The following CSN1S1 variants were observed in gnomAD, a reference collection of about 807,000 sequenced individuals.
The protein encoded by CSN1S1 is alpha-S1-casein.
Under a neutral mutation model 49.1 loss-of-function variants are expected in CSN1S1, and 63 were observed. The observed-to-expected ratio is 1.28, with a 90% CI of 1.05 to 1.58. The LOEUF (loss-of-function observed/expected upper bound fraction) is 1.58. Among genes scored for constraint, CSN1S1 ranks in the 40% most tolerant of loss-of-function variants. The pLI, the probability that CSN1S1 is intolerant of heterozygous loss-of-function variation, is 0.00. For missense variants in CSN1S1, 260 were observed against 224.7 expected, an observed-to-expected ratio of 1.16 and a Z score of -1.01; for synonymous variants, 78 against 67.1, an observed-to-expected ratio of 1.16 and a Z score of -0.79.
intron 14 of CSN1S1, among the ~76,000 whole-genome samples, 172 bp downstream of exon 14, chr4:69,942,749 G>T (rs374305915): frequency 2.6e-5 from 4 of 151,910 alleles, no homozygotes; most frequent in Middle Eastern, 3.4e-3. Flanking sequence ...TGAGCACATT[G>T]TGTATTCTCT....
intron 1 of CSN1S1, among the ~76,000 whole-genome samples, chr4:69,932,175 C>T (rs1245727124): frequency 6.6e-6 from 1 of 151,752 alleles, no homozygotes; most frequent in Non-Finnish European, 1.5e-5. Context: ...TCTGATTTGT[C>T]ATCTAGGAGG....
intron 12 of CSN1S1, 123 bp downstream of exon 12, chr4:69,941,183 C>A (rs1209089316): frequency 1.7e-5 from 8 of 484,530 alleles, no homozygotes; most frequent in Non-Finnish European, 2.8e-5. Context: ...TTTATTCTAG[C>A]CTTGACCAAT....
At chr4:69,942,236 T>C (rs1410371549) in intron 13 of CSN1S1, among the ~76,000 whole-genome samples, 173 bp downstream of exon 13, 1 of 151,942 alleles carries the variant, frequency 6.6e-6, no homozygotes, top group Non-Finnish European at 1.5e-5. Flanking sequence ...AATTAATAAA[T>C]AGCCATAAAT....
At chr4:69,934,737 A>G in intron 4 of CSN1S1, 27 bp downstream of exon 4, 1 of 1,600,466 alleles carries the variant, frequency 6.2e-7, no homozygotes, top group East Asian at 2.2e-5. Flanking sequence ...GGGAGTCAGG[A>G]TTCTCTCTTC....
intron 15 of CSN1S1, among the ~76,000 whole-genome samples, chr4:69,945,564 T>C (rs1222267611): frequency 1.3e-5 from 2 of 152,156 alleles, no homozygotes; most frequent in East Asian, 3.9e-4. Context: ...TAAAAGTCCA[T>C]TTTTTCCTGA....
Position 69,946,180 on chromosome 4 carries a change from C to A in CSN1S1, c.*-16C>A. Reference sequence around the variant, plus strand: ...ATTTAATATAACTCACCACATATTTCTATTTCTATTTACAGATATGATTGA... The same window carrying A: ...ATTTAATATAACTCACCACATATTTATATTTCTATTTACAGATATGATTGA... On this transcript the variant is annotated splice_polypyrimidine_tract_variant and intron_variant, in intron 15 of 15. Transcript: ENST00000246891. 1.8e-6 allele frequency: 1 copy of A among 541,262 alleles called. No homozygotes were observed. The allele number at this position is 541,262 out of a possible 1,614,324, so 33.5% of individuals were successfully genotyped here. A position where few individuals can be genotyped will look rare whatever the true frequency, so the allele number is the denominator to read the frequency against.
chr4:69,933,344 G>A (rs935540625), intron 2 of CSN1S1, among the ~76,000 whole-genome samples: 1 of 151,922 alleles, frequency 6.6e-6, no homozygotes, highest in Non-Finnish European at 1.5e-5. Flanking sequence ...GGGATGATAA[G>A]GGATATTTGG....
intron 4 of CSN1S1, among the ~76,000 whole-genome samples, chr4:69,935,113 C>T (rs1722728788): frequency 6.6e-6 from 1 of 151,936 alleles, no homozygotes; most frequent in African/African-American, 2.4e-5. Flanking sequence ...TTTTATAATT[C>T]ACAATTTAAT....
Position 69,942,528 on chromosome 4 carries a change from T to C in CSN1S1, c.361-8T>C, listed in dbSNP as rs755954970. ...TAAGTAATTTAGAATGTGTTTCCTT[T>C]TATGCAGGAGCAAATTCGCAGAATG... On this transcript the variant is annotated splice_region_variant and splice_polypyrimidine_tract_variant and intron_variant, in intron 13 of 15. Transcript: ENST00000246891. 3 of 1,581,054 alleles carry C rather than the reference T, an allele frequency of 1.9e-6. No individual in the cohort carries two copies. The highest frequency in any genetic ancestry group is 2.6e-6 in the Non-Finnish European group (3 of 1,161,450).
Position 69,936,486 on chromosome 4 carries a change from A to T in CSN1S1, c.153+7A>T, listed in dbSNP as rs947422665. ...CATGAATGGTATGAACAGGGTAAGA[A>T]ACATCAATGAAATTTAAATTATGTT... is the stretch of plus-strand genomic sequence containing the variant. On this transcript the variant is annotated splice_region_variant and intron_variant, in intron 6 of 15. Transcript: ENST00000246891. 1 of 1,579,600 alleles carries T rather than the reference A, an allele frequency of 6.3e-7. No homozygotes were observed. Among genetic ancestry groups the T allele is most frequent in the Non-Finnish European group, 8.7e-7 (1 of 1,150,774 alleles).
At position 69,946,139 on chromosome 4, in the gene CSN1S1, T is replaced by G. The variant is rs933320031; in HGVS notation, c.*-57T>G. 6.4e-6 allele frequency: 3 copies of G among 467,108 alleles called. No individual in the cohort carries two copies. The East Asian group carries it at 1.0e-4, about 16-fold the overall frequency. The allele number at this position is 467,108 out of a possible 1,614,324, so 28.9% of individuals were successfully genotyped here. On this transcript the variant is annotated intron_variant, in intron 15 of 15. Coordinates refer to ENST00000246891, the MANE Select transcript of CSN1S1 (RefSeq NM_001890.2). ...AAACGTGTTCTACCATAAGAGCTTT[T>G]CTTTTCTTCAAAAATATTTAATATA...
At position 69,945,102 on chromosome 4, in the gene CSN1S1, T is replaced by C. The variant is rs979994841; in HGVS notation, c.557+98T>C. 2.3e-6 allele frequency: 3 copies of C among 1,323,498 alleles called. No individual in the cohort carries two copies. In the Admixed American group the frequency reaches 6.0e-5, roughly 26 times the overall value. 82.0% of individuals were successfully genotyped at this position (1,323,498 alleles called of 1,614,324 possible). ...CATAAGAACAGATTTAGATTAAACA[T>C]GGCAAATCAATGCCTACTGCAAAGG... is the stretch of plus-strand genomic sequence containing the variant. On this transcript the variant is annotated intron_variant, in intron 15 of 15. Coordinates refer to ENST00000246891, the MANE Select transcript of CSN1S1 (RefSeq NM_001890.2).
At chr4:69,934,580 G>A in intron 3 of CSN1S1, 110 bp from the exon 4 acceptor site, 3 of 954,374 alleles carry the variant, frequency 3.1e-6, no homozygotes, top group Non-Finnish European at 3.3e-6. Context: ...CATTTGATAT[G>A]TTGAATCTTG....
chr4:69,940,053 T>A lies in CSN1S1; in HGVS notation c.300+9T>A. 1 of 1,358,416 alleles carries A rather than the reference T, an allele frequency of 7.4e-7. No individual in the cohort carries two copies. Among genetic ancestry groups the A allele is most frequent in the South Asian group, 1.5e-5 (1 of 68,266 alleles). 84.1% of individuals were successfully genotyped at this position (1,358,416 alleles called of 1,614,324 possible). ...CTCTCAGTAAGTGTGCGGTAAGACA[T>A]ATTTGCTAAATTTAAAATATATTAA... On this transcript the variant is annotated intron_variant, in intron 11 of 15. Transcript: ENST00000246891.
rs193049345 is a variant in CSN1S1, at chr4:69,942,460, T to C, written c.361-76T>C. ...ATTTCATGAATGATGTTATGTATAC[T>C]TCTGGTGCAATGTAAGATAAATGTG... On this transcript the variant is annotated intron_variant, in intron 13 of 15. Coordinates refer to ENST00000246891, the MANE Select transcript of CSN1S1 (RefSeq NM_001890.2). 9 of 1,131,986 alleles carry C rather than the reference T, an allele frequency of 8.0e-6. No individual in the cohort carries two copies. In the African/African-American group the frequency reaches 1.4e-4, roughly 17 times the overall value. The allele number at this position is 1,131,986 out of a possible 1,614,324, so 70.1% of individuals were successfully genotyped here.
intron 12 of CSN1S1, among the ~76,000 whole-genome samples, chr4:69,941,485 T>C (rs1317184300): frequency 6.6e-6 from 1 of 151,916 alleles, no homozygotes; most frequent in African/African-American, 2.4e-5. Flanking sequence ...GATTTGCTTC[T>C]GTCAAAACTC....
intron 10 of CSN1S1, 75 bp downstream of exon 10, chr4:69,939,283 A>G (rs376026512): frequency 2.4e-4 from 267 of 1,093,104 alleles, no homozygotes; most frequent in Non-Finnish European, 3.3e-4. Flanking sequence ...TGAGGATTAC[A>G]TATCCCTTAA....
At chr4:69,939,854 A>G (rs147229894) in intron 10 of CSN1S1, among the ~76,000 whole-genome samples, 167 bp from the exon 11 acceptor site, 83 of 151,894 alleles carry the variant, frequency 5.5e-4, no homozygotes, top group Admixed American at 2.0e-3. Flanking sequence ...CAATGTGATT[A>G]TAATATGTGG....
intron 1 of CSN1S1, among the ~76,000 whole-genome samples, chr4:69,932,339 T>C (rs944405721): frequency 1.3e-5 from 2 of 151,930 alleles, no homozygotes; most frequent in East Asian, 3.9e-4. Flanking sequence ...ATATAAGAAC[T>C]AAGAAAAATA....
Sources: gnomAD v4.1 joint callset for allele counts (sites outside exome capture counted in the v4.1 genomes callset) on GRCh38, gnomAD v4.1.1 for gene constraint, MANE v1.5 for transcripts, NCBI Gene and HGNC (gene_info 2026-07-23, HGNC 2026-07-21) for gene names.